SGPP2: variants seen among roughly 807,000 people sequenced by gnomAD.
SGPP2 encodes sphingosine 1-phosphate phosphohydrolase 2.
A neutral mutation model predicts 33.9 loss-of-function variants in SGPP2; 30 were observed. The observed-to-expected ratio is 0.89, with a 90% CI of 0.66 to 1.20. The LOEUF (loss-of-function observed/expected upper bound fraction) is 1.20, where lower values mean the gene tolerates loss of function less well. Among genes scored for constraint, SGPP2 ranks in the 50% most tolerant of loss-of-function variants. SGPP2 has a pLI of 0.00. For synonymous variants in SGPP2, 233 were observed against 225.0 expected, an observed-to-expected ratio of 1.04 and a Z score of -0.32; for missense variants, 458 against 532.1, an observed-to-expected ratio of 0.86 and a Z score of 1.37.
chr2:222,500,475 T>C (rs2106117544), intron 2 of SGPP2, among the ~76,000 whole-genome samples: 1 of 152,344 alleles, frequency 6.6e-6, no homozygotes, highest in Non-Finnish European at 1.5e-5. Context: ...GGACTTAGTT[T>C]GCCACACATT....
At chr2:222,515,037 A>T (rs2106128279) in intron 2 of SGPP2, among the ~76,000 whole-genome samples, 1 of 152,076 alleles carries the variant, frequency 6.6e-6, no homozygotes, top group South Asian at 2.1e-4. Context: ...AAAAAAAAGA[A>T]ACCACATTCT....
At chr2:222,497,250 CTTTTTTTTTTTT>C (rs57363978) in intron 2 of SGPP2, among the ~76,000 whole-genome samples, 5 of 118,570 alleles carry the variant, frequency 4.2e-5, no homozygotes, top group Non-Finnish European at 8.5e-5. Flanking sequence ...TCTCTTTCTT[CTTTTTTTTTTTT>C]TTTTTTTTTA....
chr2:222,449,109 C>T (rs192822888), intron 1 of SGPP2, among the ~76,000 whole-genome samples: 20 of 152,292 alleles, frequency 1.3e-4, no homozygotes, highest in Admixed American at 5.2e-4. Context: ...TTCTTGTTTG[C>T]GAGATGACTA....
In SGPP2 at chr2:222,556,644, C is replaced by T. The variant is rs112650151; in HGVS notation, c.649-1703C>T. ...CCTCCCCATCCCCCTCACTCCTCCC[C>T]CACCCACCCTCACTCCTCCCCCTCC... On this transcript the variant is annotated intron_variant, in intron 4 of 4. Transcript: ENST00000321276. 5.3e-3 allele frequency among the ~76,000 whole-genome samples: 410 copies of T among 77,068 alleles called. 8 individuals carry two copies. The highest frequency in any genetic ancestry group is 0.014 in the African/African-American group (228 of 16,208). The allele number at this position is 77,068 out of a possible 152,430, so 50.6% of individuals were successfully genotyped here.
At chr2:222,487,605 G>A (rs1243480129) in intron 2 of SGPP2, among the ~76,000 whole-genome samples, 1 of 152,162 alleles carries the variant, frequency 6.6e-6, no homozygotes, top group African/African-American at 2.4e-5. Context: ...CACTAGAGAA[G>A]ACACCAGGTT....
intron 2 of SGPP2, among the ~76,000 whole-genome samples, chr2:222,516,242 C>T (rs749754712): frequency 1.7e-4 from 26 of 152,144 alleles, no homozygotes; most frequent in Admixed American, 5.9e-4. Context: ...AAGAATTTTA[C>T]GTAAACAAAT....
At position 222,544,982 on chromosome 2, in the gene SGPP2, CCTAT is replaced by C. The variant is rs528949972; in HGVS notation, c.649-13361_649-13358del. On this transcript the variant is annotated intron_variant, in intron 4 of 4. Coordinates refer to ENST00000321276, the MANE Select transcript of SGPP2 (RefSeq NM_152386.4). ...GGACAGAGAGTATTCTTATTCTCCT[CCTAT>C]CTAAGTATATTTCTCAGTAAGTAAT... Among the ~76,000 whole-genome samples the C allele has an allele frequency of 3.9e-3, 589 of 151,996 alleles. 5 individuals carry two copies. The highest frequency in any genetic ancestry group is 0.013 in the African/African-American group (547 of 41,444).
rs115706562 is a variant in SGPP2, at chr2:222,562,584, T to C, written c.*3686T>C. ...AAATTTATTCTTTTTAAAAATCACT[T>C]TTATTTGATTTTGACTTATTAAATG... is the stretch of plus-strand genomic sequence containing the variant. On this transcript the variant is annotated 3_prime_UTR_variant, in exon 5 of 5. Coordinates refer to ENST00000321276, the MANE Select transcript of SGPP2 (RefSeq NM_152386.4). Among the ~76,000 whole-genome samples the C allele has an allele frequency of 2.0e-3, 298 of 152,354 alleles. No homozygotes were observed. The highest frequency in any genetic ancestry group is 6.7e-3 in the African/African-American group (277 of 41,576).
Position 222,535,377 on chromosome 2 carries a change from C to CA in SGPP2, c.648+10359dup, listed in dbSNP as rs59455252. Among the ~76,000 whole-genome samples the CA allele has an allele frequency of 7.4e-3, 785 of 106,742 alleles. 13 individuals are homozygous for CA. Among genetic ancestry groups the CA allele is most frequent in the Middle Eastern group, 0.028 (6 of 216 alleles). The allele number at this position is 106,742 out of a possible 152,430, so 70.0% of individuals were successfully genotyped here. On this transcript the variant is annotated intron_variant, in intron 4 of 4. Transcript: ENST00000321276. ...TGGGTGACAGAGCGAGACTCTGTCTCAAAAAAAAAAAAAAAGCCACAGTGG... is the reference window on the plus strand; with the variant it reads ...TGGGTGACAGAGCGAGACTCTGTCTCAAAAAAAAAAAAAAAAGCCACAGTGG...
chr2:222,546,289 A>C (rs1201140668), intron 4 of SGPP2, among the ~76,000 whole-genome samples: 2 of 152,186 alleles, frequency 1.3e-5, no homozygotes, highest in Non-Finnish European at 2.9e-5. Flanking sequence ...TTCTGAAAGC[A>C]AAGGGTCACC....
chr2:222,561,928 T>C lies in SGPP2; in HGVS notation c.*3030T>C, dbSNP rs1689549428. On this transcript the variant is annotated 3_prime_UTR_variant, in exon 5 of 5. Transcript: ENST00000321276. ...ACTTTGCTCTGTTAAATCCTCTCTC[T>C]GTCTCAGACCATTGCTTGCCCCTTC... Among the ~76,000 whole-genome samples, 1 of 152,078 alleles carries C rather than the reference T, an allele frequency of 6.6e-6. No individual in the cohort carries two copies. The highest frequency in any genetic ancestry group is 1.5e-5 in the Non-Finnish European group (1 of 68,010).
chr2:222,520,025 A>G (rs752516479), intron 2 of SGPP2, among the ~76,000 whole-genome samples: 5 of 152,204 alleles, frequency 3.3e-5, no homozygotes, highest in Non-Finnish European at 4.4e-5. Flanking sequence ...CTTTGGGTAT[A>G]TACTCAGTAA....
chr2:222,552,178 T>C (rs1333635382), intron 4 of SGPP2, among the ~76,000 whole-genome samples: 1 of 152,226 alleles, frequency 6.6e-6, no homozygotes. Flanking sequence ...CATGAGTGTG[T>C]AAATATCTTT....
intron 2 of SGPP2, among the ~76,000 whole-genome samples, chr2:222,480,193 C>A (rs897776607): frequency 3.3e-5 from 5 of 152,152 alleles, no homozygotes; most frequent in African/African-American, 1.2e-4. Context: ...AGGTTAGAGG[C>A]AACTTCACTG....
At chr2:222,428,967 T>C (rs1697112931) in intron 1 of SGPP2, among the ~76,000 whole-genome samples, 2 of 152,036 alleles carry the variant, frequency 1.3e-5, no homozygotes, top group South Asian at 4.2e-4. Context: ...AATTTTTGTA[T>C]TTTTAGTAGA....
At chr2:222,470,974 C>A (rs1161205236) in intron 1 of SGPP2, among the ~76,000 whole-genome samples, 1 of 152,190 alleles carries the variant, frequency 6.6e-6, no homozygotes, top group Non-Finnish European at 1.5e-5. Context: ...GACCCTTGTC[C>A]TTGTTTTGCA....
intron 2 of SGPP2, among the ~76,000 whole-genome samples, chr2:222,511,779 G>T (rs1437316897): frequency 6.6e-6 from 1 of 152,142 alleles, no homozygotes; most frequent in African/African-American, 2.4e-5. Flanking sequence ...CGAGGCTCAG[G>T]TGATCCTCCC....
chr2:222,557,705 CT>C (rs1421798155), intron 4 of SGPP2, among the ~76,000 whole-genome samples: 10 of 152,290 alleles, frequency 6.6e-5, no homozygotes, highest in African/African-American at 2.4e-4. Context: ...AGCCACTGTT[CT>C]AAAGAATGGG....
intron 4 of SGPP2, among the ~76,000 whole-genome samples, chr2:222,553,419 G>A (rs2106156649): frequency 6.6e-6 from 1 of 152,288 alleles, no homozygotes; most frequent in African/African-American, 2.4e-5. Context: ...AGAAAACCTG[G>A]AAGATAGGTT....
Sources: allele counts gnomAD v4.1 joint callset (sites outside exome capture counted in the v4.1 genomes callset), GRCh38; gene constraint gnomAD v4.1.1; transcripts MANE v1.5; gene names NCBI Gene and HGNC (gene_info 2026-07-23, HGNC 2026-07-21).